Variants in GABRA2 observed in about 807,000 individuals in gnomAD.
GABRA2 encodes the protein gamma-aminobutyric acid type A receptor subunit alpha2.
A neutral mutation model predicts 48.7 loss-of-function variants in GABRA2; 16 were observed. The observed-to-expected ratio is 0.33, with a 90% CI of 0.22 to 0.50. The LOEUF (loss-of-function observed/expected upper bound fraction) is 0.50, where lower values mean the gene tolerates loss of function less well. Among genes scored for constraint, GABRA2 ranks in the 20% least tolerant of loss-of-function variants. The pLI, the probability that GABRA2 is intolerant of heterozygous loss-of-function variation, is 0.98. For missense variants in GABRA2, 275 were observed against 535.6 expected (o/e 0.51, Z 4.80); for synonymous variants, 185 against 184.5 (o/e 1.00, Z -0.02).
intron 8 of GABRA2, among the ~76,000 whole-genome samples, chr4:46,273,586 T>C (rs1360589878): frequency 6.7e-6 from 1 of 149,172 alleles, no homozygotes; most frequent in Non-Finnish European, 1.5e-5. Flanking sequence ...TTAGGAAATG[T>C]ATTAAGCCAA....
intron 4 of GABRA2, among the ~76,000 whole-genome samples, chr4:46,324,045 CCT>C (rs1729906705): frequency 6.6e-6 from 1 of 151,850 alleles, no homozygotes; most frequent in African/African-American, 2.4e-5. Flanking sequence ...TGTCTCGCCT[CCT>C]CTCTTCAACC....
intron 3 of GABRA2, chr4:46,363,831 T>C (rs1713610313): frequency 6.6e-6 from 1 of 152,188 alleles, no homozygotes; most frequent in Non-Finnish European, 1.5e-5. Context: ...GTAGTTTTAT[T>C]CAGTTAATAA....
At chr4:46,337,650 CA>C (rs71652880) in intron 3 of GABRA2, among the ~76,000 whole-genome samples, 276 of 107,678 alleles carry the variant, frequency 2.6e-3, no homozygotes, top group Middle Eastern at 0.011. Context: ...TTGTTAAGAC[CA>C]AAAAAAAAAA....
rs531448834 is a variant in GABRA2, at chr4:46,295,572, A to C, written c.856+7888T>G. Among the ~76,000 whole-genome samples, 10 of 152,296 alleles carry C rather than the reference A, an allele frequency of 6.6e-5. No homozygotes were observed. In the South Asian group the frequency reaches 2.1e-3, roughly 32 times the overall value. The stretch of plus-strand genomic sequence containing the variant: ...TCATTGCCCAATGGGTCCATGGACA[A>C]TGTGGCCATGGTGGCAGGGATGGAG... On this transcript the variant is annotated intron_variant, in intron 8 of 9. Coordinates refer to ENST00000381620, the MANE Select transcript of GABRA2 (RefSeq NM_000807.4).
intron 3 of GABRA2, among the ~76,000 whole-genome samples, chr4:46,385,319 A>G (rs919020196): frequency 6.6e-6 from 1 of 151,858 alleles, no homozygotes; most frequent in African/African-American, 2.4e-5. Flanking sequence ...CTTAATGATT[A>G]TGAAACAAAC....
intron 1 of GABRA2, chr4:46,389,027 GT>G: frequency 8.8e-7 from 1 of 1,132,800 alleles, no homozygotes; most frequent in East Asian, 5.2e-5. Flanking sequence ...AGCAAACACT[GT>G]TTTGCGCACA....
chr4:46,286,488 C>T (rs567625526), intron 8 of GABRA2, among the ~76,000 whole-genome samples: 8 of 152,060 alleles, frequency 5.3e-5, no homozygotes, highest in South Asian at 2.1e-4. Context: ...CAGGGTCTTA[C>T]GGTAATTCTC....
intron 8 of GABRA2, among the ~76,000 whole-genome samples, chr4:46,296,289 A>G (rs912054155): frequency 1.3e-5 from 2 of 152,172 alleles, no homozygotes; most frequent in Non-Finnish European, 2.9e-5. Context: ...CCGTGACATT[A>G]TGTTCTGCTG....
rs909535248 is a variant in GABRA2 at position 46,246,886 on chromosome 4, G to A, written c.*3422C>T. Among the ~76,000 whole-genome samples the A allele has an allele frequency of 4.0e-5, 6 of 151,008 alleles. No homozygotes were observed. The highest frequency in any genetic ancestry group is 1.3e-4 in the Admixed American group (2 of 15,098). On this transcript the variant is annotated 3_prime_UTR_variant, in exon 10 of 10. Transcript: ENST00000381620. The stretch of plus-strand genomic sequence containing the variant: ...GAGCTACTTCCTTTCTTCTTTCATT[G>A]GAATGATGACCGGCCATGCCAAAGA...
intron 6 of GABRA2, among the ~76,000 whole-genome samples, chr4:46,309,757 A>C (rs914898013): frequency 3.3e-5 from 5 of 152,156 alleles, no homozygotes; most frequent in African/African-American, 9.7e-5. Context: ...ACAATGACAC[A>C]GACTAAGCTT....
chr4:46,306,205 T>C (rs979043964), intron 6 of GABRA2, among the ~76,000 whole-genome samples: 2 of 152,236 alleles, frequency 1.3e-5, no homozygotes, highest in African/African-American at 2.4e-5. Context: ...TAAAAAGTAA[T>C]TATTATAGAA....
intron 8 of GABRA2, among the ~76,000 whole-genome samples, chr4:46,285,896 G>A (rs912362505): frequency 6.6e-6 from 1 of 151,940 alleles, no homozygotes; most frequent in African/African-American, 2.4e-5. Flanking sequence ...CTCCTGGGAT[G>A]CCCTTGGAAT....
At chr4:46,346,128 G>A (rs1734104283) in intron 3 of GABRA2, among the ~76,000 whole-genome samples, 3 of 151,890 alleles carry the variant, frequency 2.0e-5, no homozygotes, top group Admixed American at 2.0e-4. Flanking sequence ...ACACCTACAT[G>A]TGCCATTTGT....
chr4:46,379,952 TTC>T (rs148120706), intron 3 of GABRA2, among the ~76,000 whole-genome samples: 168 of 152,152 alleles, frequency 1.1e-3, no homozygotes, highest in African/African-American at 3.9e-3. Flanking sequence ...TCTCAGCATG[TTC>T]TCTCTCTCTC....
intron 8 of GABRA2, among the ~76,000 whole-genome samples, chr4:46,281,046 A>G (rs1721436669): frequency 6.6e-6 from 1 of 152,174 alleles, no homozygotes. Flanking sequence ...CACCTTATCT[A>G]TGGTATTTTT....
At chr4:46,321,291 T>G (rs1200639104) in intron 4 of GABRA2, among the ~76,000 whole-genome samples, 1 of 151,866 alleles carries the variant, frequency 6.6e-6, no homozygotes, top group Non-Finnish European at 1.5e-5. Flanking sequence ...CTTAGATACA[T>G]AGGATGAATG....
At chr4:46,356,316 G>C (rs1735953530) in intron 3 of GABRA2, among the ~76,000 whole-genome samples, 2 of 151,252 alleles carry the variant, frequency 1.3e-5, no homozygotes, top group African/African-American at 4.9e-5. Context: ...CAATCTATCT[G>C]TCAATTTTCT....
At position 46,248,326 on chromosome 4, in the gene GABRA2, T is replaced by C. The variant is rs1714091324; in HGVS notation, c.*1982A>G. The C allele has an allele frequency of 1.3e-5, 2 of 151,532 alleles. No homozygotes were observed. The highest frequency in any genetic ancestry group is 4.1e-4 in the South Asian group (2 of 4,824). 9.4% of individuals were successfully genotyped at this position (151,532 alleles called of 1,614,324 possible). On this transcript the variant is annotated 3_prime_UTR_variant, in exon 10 of 10. Coordinates refer to ENST00000381620, the MANE Select transcript of GABRA2 (RefSeq NM_000807.4). ...ATCCCTAAACTATACAGAAGAGCTA[T>C]GCTATATTTAAATGTATAAGAAAAT...
At chr4:46,348,540 G>A (rs1216078016) in intron 3 of GABRA2, among the ~76,000 whole-genome samples, 2 of 151,832 alleles carry the variant, frequency 1.3e-5, no homozygotes, top group Non-Finnish European at 2.9e-5. Flanking sequence ...GTCCAACAAC[G>A]ATAGACTGGA....
Sources: allele counts gnomAD v4.1 joint callset (sites outside exome capture counted in the v4.1 genomes callset), GRCh38; gene constraint gnomAD v4.1.1; transcripts MANE v1.5; gene names NCBI Gene and HGNC (gene_info 2026-07-23, HGNC 2026-07-21).